STAT1: variants seen among roughly 807,000 people sequenced by gnomAD.
STAT1 encodes the protein signal transducer and activator of transcription 1-alpha/beta.
STAT1 carries 24 observed loss-of-function variants against 111.7 expected under a neutral mutation model. The ratio of observed to expected loss-of-function variants is 0.21; its 90% CI spans 0.16 to 0.30. The LOEUF (loss-of-function observed/expected upper bound fraction) is 0.30, where lower values mean the gene tolerates loss of function less well. Ranked by LOEUF, STAT1 falls within the 10% of genes least tolerant of loss-of-function variation. STAT1 has a pLI of 1.00. For synonymous variants in STAT1, 332 were observed against 326.5 expected, an observed-to-expected ratio of 1.02 and a Z score of -0.18; for missense variants, 351 against 911.9, an observed-to-expected ratio of 0.38 and a Z score of 7.92.
rs922202500 is a variant in STAT1 at position 190,984,185 on chromosome 2, G to T, written c.1347+125C>A. ...AATTAAGGTTAAGATAGTATTAGCTGAAAAAGATCATTTTAAAACAATTAG... is the reference window on the plus strand; with the variant it reads ...AATTAAGGTTAAGATAGTATTAGCTTAAAAAGATCATTTTAAAACAATTAG... On this transcript the variant is annotated intron_variant, in intron 16 of 24. Transcript: ENST00000361099. The surrounding 1 kb of genome is among the most constrained non-coding windows in gnomAD (Gnocchi z 5.2). 1.7e-5 allele frequency: 14 copies of T among 824,164 alleles called. No individual in the cohort carries two copies. The highest frequency in any genetic ancestry group is 2.2e-5 in the Non-Finnish European group (11 of 497,708). The allele number at this position is 824,164 out of a possible 1,614,324, so 51.1% of individuals were successfully genotyped here.
Position 190,990,585 on chromosome 2 carries a change from ATG to A in STAT1, c.1037+641_1037+642del, listed in dbSNP as rs1344165408. On this transcript the variant is annotated intron_variant, in intron 11 of 24. Coordinates refer to ENST00000361099, the MANE Select transcript of STAT1 (RefSeq NM_007315.4). This position sits in a 1 kb window ranked among gnomAD's most constrained non-coding sequence, Gnocchi z 5.1. ...TACTCCGAGTTTTTAAAAAAGAAAT[ATG>A]TCATATTTGTGTGTGTGTGTGTCTC... Among the ~76,000 whole-genome samples the A allele has an allele frequency of 6.6e-6, 1 of 152,184 alleles. No homozygotes were observed. The highest frequency in any genetic ancestry group is 1.5e-5 in the Non-Finnish European group (1 of 68,046).
rs1574640135 is a variant in STAT1, at chr2:190,978,574, T to C, written c.1873+282A>G. On this transcript the variant is annotated intron_variant, in intron 21 of 24. Transcript: ENST00000361099. This position sits in a 1 kb window ranked among gnomAD's most constrained non-coding sequence, Gnocchi z 6.1. ...TTCCAAGAACGGGTTGCAGATTACATTGACTCACATCCTTGATCTGCAGAT... is the reference window on the plus strand; with the variant it reads ...TTCCAAGAACGGGTTGCAGATTACACTGACTCACATCCTTGATCTGCAGAT... The C allele has an allele frequency of 2.1e-6, 1 of 469,728 alleles. No individual in the cohort carries two copies. Among genetic ancestry groups the C allele is most frequent in the Non-Finnish European group, 3.9e-6 (1 of 253,430 alleles). The allele number at this position is 469,728 out of a possible 1,614,324, so 29.1% of individuals were successfully genotyped here. A position where few individuals can be genotyped will look rare whatever the true frequency, so the allele number is the denominator to read the frequency against.
chr2:190,976,132 G>A lies in STAT1; in HGVS notation c.2060-245C>T, dbSNP rs927766126. Among the ~76,000 whole-genome samples the A allele has an allele frequency of 7.9e-5, 12 of 152,192 alleles. No individual in the cohort carries two copies. Among genetic ancestry groups the A allele is most frequent in the African/African-American group, 2.7e-4 (11 of 41,438 alleles). On this transcript the variant is annotated intron_variant, in intron 22 of 24. Transcript: ENST00000361099. This position sits in a 1 kb window ranked among gnomAD's most constrained non-coding sequence, Gnocchi z 6.0. ...GTGTTCAGCAGGACACTAGCTAGGA[G>A]CTTTCTCTTTACACAACTTGAAATC...
chr2:191,009,971 G>C lies in STAT1; in HGVS notation c.33C>G (p.Asp11Glu). The part of the protein sequence containing the change: MSQWYELQQL[D>E]SKFLEQVHQL... ...GGTGAACCTGCTCCAGGAATTTTGA[G>C]TCAAGCTGCTGAAGTTCGTACCACT... Residue 11 changes from aspartate (D) to glutamate (E), a missense_variant, in exon 3 of 25, where the codon GAC becomes GAG. Around this residue, in one of 7 missense-constraint regions of STAT1, gnomAD observed 44 missense variants for 144.2 expected, o/e 0.31. Transcript: ENST00000361099. 1 of 1,614,014 alleles carries C rather than the reference G, an allele frequency of 6.2e-7. No homozygotes were observed. The highest frequency in any genetic ancestry group is 1.3e-5 in the African/African-American group (1 of 75,030).
In STAT1 at chr2:190,975,212, G is replaced by GACAAA; in HGVS notation, c.2136-281_2136-280insTTTGT. On this transcript the variant is annotated intron_variant, in intron 23 of 24. Transcript: ENST00000361099. The surrounding 1 kb of genome is among the most constrained non-coding windows in gnomAD (Gnocchi z 5.9). ...CTTCTGCCTGGGTAAGCCTAGGTGT[G>GACAAA]AGCATGTGCGGTGCACTACCCTGAG... The GACAAA allele has an allele frequency of 2.1e-6, 1 of 469,206 alleles. No individual in the cohort carries two copies. 29.1% of individuals were successfully genotyped at this position (469,206 alleles called of 1,614,324 possible).
In STAT1 at chr2:191,007,495, A is replaced by C; in HGVS notation, c.372+68T>G. ...TCATCATTGCTTTGACATGGGCCCT[A>C]ATAGTATTTGATGAATGAATACATT... is the stretch of plus-strand genomic sequence containing the variant. On this transcript the variant is annotated intron_variant, in intron 5 of 24. Transcript: ENST00000361099. The surrounding 1 kb of genome is among the most constrained non-coding windows in gnomAD (Gnocchi z 4.2). The C allele has an allele frequency of 8.6e-7, 1 of 1,162,064 alleles. No homozygotes were observed. The highest frequency in any genetic ancestry group is 1.2e-5 in the South Asian group (1 of 81,168). 72.0% of individuals were successfully genotyped at this position (1,162,064 alleles called of 1,614,324 possible). A position where few individuals can be genotyped will look rare whatever the true frequency, so the allele number is the denominator to read the frequency against.
rs2125097335 is a variant in STAT1 at position 191,007,695 on chromosome 2, A to C, written c.274-34T>G. ...GAGTGGTTAGAACAAAAATAAATTAAAATGCAGAATGTTTACTTTATTGTG... is the reference window on the plus strand; with the variant it reads ...GAGTGGTTAGAACAAAAATAAATTACAATGCAGAATGTTTACTTTATTGTG... On this transcript the variant is annotated intron_variant, in intron 4 of 24. Transcript: ENST00000361099. This position sits in a 1 kb window ranked among gnomAD's most constrained non-coding sequence, Gnocchi z 4.2. The C allele has an allele frequency of 6.9e-7, 1 of 1,454,296 alleles. No individual in the cohort carries two copies. Among genetic ancestry groups the C allele is most frequent in the East Asian group, 2.3e-5 (1 of 43,978 alleles). The allele number at this position is 1,454,296 out of a possible 1,614,324, so 90.1% of individuals were successfully genotyped here.
In STAT1 at chr2:190,999,482, T is replaced by C; in HGVS notation, c.541+144A>G. On this transcript the variant is annotated intron_variant, in intron 7 of 24. Transcript: ENST00000361099. This position sits in a 1 kb window ranked among gnomAD's most constrained non-coding sequence, Gnocchi z 4.1. Reference sequence around the variant, plus strand: ...CCCGAAATGTCAATAATATTGGATGTTGAGAAGCCCTGGCCTGGGTTATCA... The same window carrying C: ...CCCGAAATGTCAATAATATTGGATGCTGAGAAGCCCTGGCCTGGGTTATCA... The C allele has an allele frequency of 1.4e-6, 1 of 698,484 alleles. No homozygotes were observed. Among genetic ancestry groups the C allele is most frequent in the Non-Finnish European group, 2.6e-6 (1 of 383,688 alleles). The allele number at this position is 698,484 out of a possible 1,614,324, so 43.3% of individuals were successfully genotyped here.
intron 10 of STAT1, among the ~76,000 whole-genome samples, chr2:190,991,618 A>C (rs749949199): frequency 5.5e-4 from 84 of 152,286 alleles, no homozygotes; most frequent in Admixed American, 9.8e-4. Flanking sequence ...CAGCACTTTA[A>C]GAGGCTGAGG....
rs1692049023 is a variant in STAT1 at position 190,978,053 on chromosome 2, G to C, written c.1873+803C>G. Among the ~76,000 whole-genome samples, 1 of 150,348 alleles carries C rather than the reference G, an allele frequency of 6.7e-6. No homozygotes were observed. Among genetic ancestry groups the C allele is most frequent in the Admixed American group, 6.6e-5 (1 of 15,118 alleles). ...GAAGAGTATGGCAGAAAAACAAATA[G>C]AATAAGAGTATTCCAGAAAAACAGG... On this transcript the variant is annotated intron_variant, in intron 21 of 24. Coordinates refer to ENST00000361099, the MANE Select transcript of STAT1 (RefSeq NM_007315.4). The surrounding 1 kb of genome is among the most constrained non-coding windows in gnomAD (Gnocchi z 6.1).
In STAT1 at chr2:191,003,728, C is replaced by A. The variant is rs1694459119; in HGVS notation, c.373-2565G>T. On this transcript the variant is annotated intron_variant, in intron 5 of 24. Transcript: ENST00000361099. This position sits in a 1 kb window ranked among gnomAD's most constrained non-coding sequence, Gnocchi z 4.0. ...GCAGAACCATAAGTCAATTAAACCTCTTTTCTTATAAATTACCCAGTCTCA... is the reference window on the plus strand; with the variant it reads ...GCAGAACCATAAGTCAATTAAACCTATTTTCTTATAAATTACCCAGTCTCA... Among the ~76,000 whole-genome samples the A allele has an allele frequency of 6.6e-6, 1 of 152,168 alleles. No homozygotes were observed. Among genetic ancestry groups the A allele is most frequent in the Non-Finnish European group, 1.5e-5 (1 of 68,032 alleles).
At position 190,975,515 on chromosome 2, in the gene STAT1, A is replaced by G. The variant is rs543632192; in HGVS notation, c.2135+297T>C. ...ATTACTTTGGCCTTTTCTAGATTGA[A>G]AAGAACTACTTTCCCACTCTGATCA... On this transcript the variant is annotated intron_variant, in intron 23 of 24. Transcript: ENST00000361099. The surrounding 1 kb of genome is among the most constrained non-coding windows in gnomAD (Gnocchi z 5.9). 281 of 1,233,716 alleles carry G rather than the reference A, an allele frequency of 2.3e-4. No individual in the cohort carries two copies. Among genetic ancestry groups the G allele is most frequent in the South Asian group, 5.3e-4 (38 of 71,304 alleles). 76.4% of individuals were successfully genotyped at this position (1,233,716 alleles called of 1,614,324 possible).
rs1448571012 is a variant in STAT1 at position 190,998,531 on chromosome 2, A to G, written c.542-223T>C. Reference sequence around the variant, plus strand: ...TCAAAAATTAGCCGGGCGCAGTGGCAGACGCCTGTAGTCCCAGCTACTCGG... The same window carrying G: ...TCAAAAATTAGCCGGGCGCAGTGGCGGACGCCTGTAGTCCCAGCTACTCGG... On this transcript the variant is annotated intron_variant, in intron 7 of 24. Transcript: ENST00000361099. The surrounding 1 kb of genome is among the most constrained non-coding windows in gnomAD (Gnocchi z 4.1). Among the ~76,000 whole-genome samples the G allele has an allele frequency of 6.6e-6, 1 of 152,130 alleles. No homozygotes were observed. The highest frequency in any genetic ancestry group is 1.5e-5 in the Non-Finnish European group (1 of 68,016).
rs1693985943 is a variant in STAT1, at chr2:190,998,091, A to T, written c.634-84T>A. 1 of 1,573,552 alleles carries T rather than the reference A, an allele frequency of 6.4e-7. No homozygotes were observed. Among genetic ancestry groups the T allele is most frequent in the Non-Finnish European group, 8.7e-7 (1 of 1,151,826 alleles). On this transcript the variant is annotated intron_variant, in intron 8 of 24. Transcript: ENST00000361099. This position sits in a 1 kb window ranked among gnomAD's most constrained non-coding sequence, Gnocchi z 4.1. ...AATATTTTTTAAAAGAAAAGCAAAT[A>T]TCATTTCATTCTCAACTGGGGCTCT... is the stretch of plus-strand genomic sequence containing the variant.
At chr2:190,992,170 T>C (rs1693408180) in intron 10 of STAT1, among the ~76,000 whole-genome samples, 1 of 152,222 alleles carries the variant, frequency 6.6e-6, no homozygotes, top group Non-Finnish European at 1.5e-5. Context: ...CAGTGTAATC[T>C]TTCCATTTAT....
Position 190,982,643 on chromosome 2 carries a change from TAGGG to T in STAT1, c.1447-129_1447-126del. 1 of 1,021,368 alleles carries T rather than the reference TAGGG, an allele frequency of 9.8e-7. No individual in the cohort carries two copies. Among genetic ancestry groups the T allele is most frequent in the South Asian group, 1.4e-5 (1 of 73,928 alleles). 63.3% of individuals were successfully genotyped at this position (1,021,368 alleles called of 1,614,324 possible). A position where few individuals can be genotyped will look rare whatever the true frequency, so the allele number is the denominator to read the frequency against. On this transcript the variant is annotated intron_variant, in intron 17 of 24. Coordinates refer to ENST00000361099, the MANE Select transcript of STAT1 (RefSeq NM_007315.4). This position sits in a 1 kb window ranked among gnomAD's most constrained non-coding sequence, Gnocchi z 7.3. ...ATATGACACACAGGTGCTTTCACAG[TAGGG>T]GAAGAGAAATACAGTCAATTTTCAT...
rs1023200513 is a variant in STAT1 at position 190,984,836 on chromosome 2, C to T, written c.1264-443G>A. On this transcript the variant is annotated intron_variant, in intron 15 of 24. Coordinates refer to ENST00000361099, the MANE Select transcript of STAT1 (RefSeq NM_007315.4). The surrounding 1 kb of genome is among the most constrained non-coding windows in gnomAD (Gnocchi z 5.2). ...GGCAGGTCACAAGTTGTCTTGGTTT[C>T]GGTAGAAATGGATAGATTTCAAAGT... Among the ~76,000 whole-genome samples, 1 of 152,164 alleles carries T rather than the reference C, an allele frequency of 6.6e-6. No individual in the cohort carries two copies. Among genetic ancestry groups the T allele is most frequent in the African/African-American group, 2.4e-5 (1 of 41,426 alleles).
In STAT1 at chr2:190,975,628, T is replaced by C; in HGVS notation, c.2135+184A>G. On this transcript the variant is annotated intron_variant, in intron 23 of 24. Coordinates refer to ENST00000361099, the MANE Select transcript of STAT1 (RefSeq NM_007315.4). This position sits in a 1 kb window ranked among gnomAD's most constrained non-coding sequence, Gnocchi z 5.9. ...TTAAATACAAATTTGGTTTTTGGCT[T>C]TTTTTTTTTTTTTAAAGTAGTAAAA... 1 of 783,706 alleles carries C rather than the reference T, an allele frequency of 1.3e-6. No individual in the cohort carries two copies. Among genetic ancestry groups the C allele is most frequent in the Non-Finnish European group, 1.7e-6 (1 of 591,458 alleles). The allele number at this position is 783,706 out of a possible 1,614,324, so 48.5% of individuals were successfully genotyped here.
At position 190,978,821 on chromosome 2, in the gene STAT1, G is replaced by C. The variant is rs775409051; in HGVS notation, c.1873+35C>G. The C allele has an allele frequency of 6.2e-7, 1 of 1,611,910 alleles. No homozygotes were observed. The highest frequency in any genetic ancestry group is 2.2e-5 in the East Asian group (1 of 44,840). On this transcript the variant is annotated intron_variant, in intron 21 of 24. Transcript: ENST00000361099. The surrounding 1 kb of genome is among the most constrained non-coding windows in gnomAD (Gnocchi z 6.1). ...GATGAAGAGGGACTTCACACACATG[G>C]AATGGTGGGACTATGTGCTCAAACT...
Sources: allele counts gnomAD v4.1 joint callset (sites outside exome capture counted in the v4.1 genomes callset), GRCh38; gene constraint gnomAD v4.1.1; regional missense constraint gnomAD v4.1.1; non-coding constraint Gnocchi (gnomAD v3.1); transcripts MANE v1.5; gene names NCBI Gene and HGNC (gene_info 2026-07-23, HGNC 2026-07-21).